CSMD1: variants seen among roughly 807,000 people sequenced by gnomAD.
CSMD1 encodes the protein CUB and sushi domain-containing protein 1.
CSMD1 carries 213 observed loss-of-function variants against 417.5 expected under a neutral mutation model. The ratio of observed to expected loss-of-function variants is 0.51; its 90% CI spans 0.46 to 0.57. The LOEUF (loss-of-function observed/expected upper bound fraction) is 0.57, where lower values mean the gene tolerates loss of function less well. Ranked by LOEUF, CSMD1 falls within the 20% of genes least tolerant of loss-of-function variation. The pLI is 0.00. For synonymous variants in CSMD1, 2,862 were observed against 1,736.8 expected, an observed-to-expected ratio of 1.65 and a Z score of -16.11; for missense variants, 6,923 against 4,529.7, an observed-to-expected ratio of 1.53 and a Z score of -15.17.
chr8:4,091,346 T>A (rs949891589), intron 3 of CSMD1, among the ~76,000 whole-genome samples: 3 of 152,236 alleles, frequency 2.0e-5, no homozygotes, highest in Admixed American at 6.5e-5. Flanking sequence ...ATTCCATCAT[T>A]GAATTTGAAA....
chr8:4,459,855 C>T lies in CSMD1; in HGVS notation c.303-39790G>A, dbSNP rs367698295. On this transcript the variant is annotated intron_variant, in intron 2 of 69. Coordinates refer to ENST00000635120, the MANE Select transcript of CSMD1 (RefSeq NM_033225.6). ...GGGCCTAGATAACTAAAGCATGCCC[C>T]TACCAGAGCCTCAAAATATATAAAA... Among the ~76,000 whole-genome samples the T allele has an allele frequency of 2.0e-5, 3 of 152,130 alleles. No individual in the cohort carries two copies. In the South Asian group the frequency reaches 6.2e-4, roughly 31 times the overall value.
chr8:4,748,332 G>A (rs142625125), intron 1 of CSMD1, among the ~76,000 whole-genome samples: 125 of 152,380 alleles, frequency 8.2e-4, no homozygotes, highest in African/African-American at 2.9e-3. Flanking sequence ...AGTTGGAAAT[G>A]TGTGCATATG....
chr8:4,787,768 G>C, intron 1 of CSMD1: 5 of 1,582,252 alleles, frequency 3.2e-6, no homozygotes, highest in Non-Finnish European at 3.5e-6. Context: ...ATTTTGCTTC[G>C]CTGGACTTGT....
intron 23 of CSMD1, among the ~76,000 whole-genome samples, chr8:3,341,893 T>C (rs1258411123): frequency 6.6e-6 from 1 of 152,058 alleles, no homozygotes; most frequent in Non-Finnish European, 1.5e-5. Context: ...CAAAATACAT[T>C]GAACATCTCG....
intron 1 of CSMD1, among the ~76,000 whole-genome samples, chr8:4,666,664 T>C (rs1298260306): frequency 1.3e-5 from 2 of 152,198 alleles, no homozygotes. Flanking sequence ...AATCCATAAC[T>C]GTAATTAAAC....
At chr8:4,949,913 AGTGTGT>A (rs36057334) in intron 1 of CSMD1, among the ~76,000 whole-genome samples, 1 of 151,000 alleles carries the variant, frequency 6.6e-6, no homozygotes, top group Non-Finnish European at 1.5e-5. Flanking sequence ...CACCAACTTG[AGTGTGT>A]GTGTGTGTGT....
intron 5 of CSMD1, among the ~76,000 whole-genome samples, chr8:3,985,578 C>T (rs1814260438): frequency 6.6e-6 from 1 of 152,110 alleles, no homozygotes; most frequent in South Asian, 2.1e-4. Context: ...ATAACAGTTT[C>T]ACTTTATTTG....
At chr8:4,052,587 T>G (rs1206699111) in intron 3 of CSMD1, among the ~76,000 whole-genome samples, 5 of 152,258 alleles carry the variant, frequency 3.3e-5, no homozygotes, top group Non-Finnish European at 5.9e-5. Context: ...AATTCTTGCC[T>G]TTCCCTCCAT....
chr8:3,324,438 G>A (rs908597641), intron 23 of CSMD1, among the ~76,000 whole-genome samples: 3 of 142,570 alleles, frequency 2.1e-5, no homozygotes, highest in East Asian at 4.5e-4. Context: ...CTAATCCTCA[G>A]AGACCCAGGA....
intron 3 of CSMD1, among the ~76,000 whole-genome samples, chr8:4,057,194 G>T (rs1057455814): frequency 1.3e-5 from 2 of 152,122 alleles, no homozygotes; most frequent in Non-Finnish European, 2.9e-5. Flanking sequence ...TCCAGCACCT[G>T]TTGTTTCCTG....
intron 10 of CSMD1, among the ~76,000 whole-genome samples, chr8:3,566,864 G>C (rs1006763810): frequency 6.6e-6 from 1 of 152,198 alleles, no homozygotes; most frequent in Non-Finnish European, 1.5e-5. Context: ...GTGGAAGGCA[G>C]CGTGGTGATT....
intron 3 of CSMD1, among the ~76,000 whole-genome samples, chr8:4,144,399 T>C (rs1012821781): frequency 6.6e-6 from 1 of 151,226 alleles, no homozygotes; most frequent in Non-Finnish European, 1.5e-5. Flanking sequence ...TTATCTTTTC[T>C]GTTTTGCCAG....
intron 3 of CSMD1, among the ~76,000 whole-genome samples, chr8:4,204,901 C>G (rs984575222): frequency 2.0e-5 from 3 of 152,120 alleles, no homozygotes; most frequent in African/African-American, 7.2e-5. Context: ...CCTCAAAGAT[C>G]CTCCCATCTC....
chr8:4,902,667 C>T (rs1585295149), intron 1 of CSMD1, among the ~76,000 whole-genome samples: 1 of 152,156 alleles, frequency 6.6e-6, no homozygotes, highest in Non-Finnish European at 1.5e-5. Context: ...ATACTTTAAT[C>T]ATTTACTTTT....
At chr8:3,296,790 G>T (rs1054347761) in intron 25 of CSMD1, among the ~76,000 whole-genome samples, 1 of 152,122 alleles carries the variant, frequency 6.6e-6, no homozygotes, top group Admixed American at 6.6e-5. Context: ...GTCATCCAGT[G>T]AACTGAGAAA....
intron 3 of CSMD1, among the ~76,000 whole-genome samples, chr8:4,368,585 T>A (rs556045418): frequency 6.6e-6 from 1 of 152,274 alleles, no homozygotes; most frequent in South Asian, 2.1e-4. Flanking sequence ...AAATTCGGCT[T>A]TGAATACATT....
At chr8:3,307,850 T>C (rs775359604) in intron 24 of CSMD1, 29 bp from the exon 25 acceptor site, 1 of 1,604,004 alleles carries the variant, frequency 6.2e-7, no homozygotes, top group Non-Finnish European at 8.5e-7. Context: ...GATGGGAACG[T>C]TCAGCTTCAG....
intron 2 of CSMD1, among the ~76,000 whole-genome samples, chr8:4,624,746 C>T (rs1465959139): frequency 6.6e-6 from 1 of 152,136 alleles, no homozygotes; most frequent in Non-Finnish European, 1.5e-5. Context: ...CGCTGATTCA[C>T]ACTCTCTGCC....
chr8:4,809,886 G>A (rs560165354), intron 1 of CSMD1, among the ~76,000 whole-genome samples: 1 of 152,164 alleles, frequency 6.6e-6, no homozygotes, highest in Non-Finnish European at 1.5e-5. Context: ...ATATTAAACA[G>A]TGCCATTCAA....
Sources: allele counts gnomAD v4.1 joint callset (sites outside exome capture counted in the v4.1 genomes callset), GRCh38; gene constraint gnomAD v4.1.1; transcripts MANE v1.5; gene names NCBI Gene and HGNC (gene_info 2026-07-23, HGNC 2026-07-21).